The following TBC1D1 variants were observed in gnomAD, a reference collection of about 807,000 sequenced individuals.
TBC1D1 encodes the protein TBC1 domain family member 1, also known as TBC1 (tre-2/USP6, BUB2, cdc16) domain family, member 1.
Under a neutral mutation model 125.6 loss-of-function variants are expected in TBC1D1, and 89 were observed. The observed-to-expected ratio is 0.71, with a 90% CI of 0.60 to 0.85. TBC1D1 has a LOEUF of 0.85. Among genes scored for constraint, TBC1D1 ranks in the 40% least tolerant of loss-of-function variants. The pLI, the probability that TBC1D1 is intolerant of heterozygous loss-of-function variation, is 0.00. For missense variants in TBC1D1, 1,377 were observed against 1,469.2 expected, an observed-to-expected ratio of 0.94 and a Z score of 1.03; for synonymous variants, 565 against 564.1, an observed-to-expected ratio of 1.00 and a Z score of -0.02.
intron 2 of TBC1D1, chr4:37,961,184 T>C: frequency 2.2e-6 from 2 of 908,682 alleles, no homozygotes; most frequent in Non-Finnish European, 3.3e-6. Context: ...GTTTCTATAT[T>C]TCTTCCATAC....
At chr4:37,912,756 A>T (rs1400398861) in intron 2 of TBC1D1, among the ~76,000 whole-genome samples, 1 of 152,176 alleles carries the variant, frequency 6.6e-6, no homozygotes, top group Non-Finnish European at 1.5e-5. Context: ...ACAAAGCTCC[A>T]TCTTGGGAGG....
intron 11 of TBC1D1, 76 bp downstream of exon 12, chr4:38,052,136 G>T: frequency 1.4e-6 from 2 of 1,448,096 alleles, no homozygotes; most frequent in East Asian, 2.5e-5. Context: ...TGTGCTGAAT[G>T]GGGGGAATGT....
At chr4:38,103,735 G>T (rs1760765727) in intron 15 of TBC1D1, among the ~76,000 whole-genome samples, 1 of 152,176 alleles carries the variant, frequency 6.6e-6, no homozygotes, top group African/African-American at 2.4e-5. Flanking sequence ...ACCAACCTCA[G>T]ATGGAAAGTA....
At chr4:37,920,011 G>A (rs1207107278) in intron 2 of TBC1D1, among the ~76,000 whole-genome samples, 3 of 152,344 alleles carry the variant, frequency 2.0e-5, no homozygotes, top group African/African-American at 7.2e-5. Flanking sequence ...TACTTGGGAG[G>A]CTGAGGCAGG....
In TBC1D1 at chr4:38,115,872, A is replaced by C; in HGVS notation, c.2720A>C (p.Glu907Ala). 1 of 1,614,216 alleles carries C rather than the reference A, an allele frequency of 6.2e-7. No homozygotes were observed. Among genetic ancestry groups the C allele is most frequent in the Non-Finnish European group, 8.5e-7 (1 of 1,180,034 alleles). The change falls in exon 16 of 20, where the codon GAA becomes GCA. Residue 907 changes from glutamate (E) to alanine (A), a missense_variant. Physicochemically the swap from Glu to Ala is moderately radical, Grantham distance 107. Transcript: ENST00000261439. ...ATTTTGCTTCTTCATATGAGTGAGG[A>C]AGAGGCGTTTAAAATGCTCAAGTTT...
intron 17 of TBC1D1, among the ~76,000 whole-genome samples, chr4:38,122,721 C>G (rs1214126837): frequency 1.3e-5 from 2 of 152,178 alleles, no homozygotes; most frequent in African/African-American, 2.4e-5. Flanking sequence ...TCAATAGATG[C>G]TCATTAAGTT....
intron 19 of TBC1D1, among the ~76,000 whole-genome samples, chr4:38,136,331 A>G (rs1458132276): frequency 6.6e-6 from 1 of 152,146 alleles, no homozygotes; most frequent in Non-Finnish European, 1.5e-5. Context: ...GGAAGAGAGG[A>G]TATTGCTTGT....
intron 12 of TBC1D1, among the ~76,000 whole-genome samples, chr4:38,057,362 T>C (rs1751914672): frequency 6.6e-6 from 1 of 152,140 alleles, no homozygotes; most frequent in Non-Finnish European, 1.5e-5. Context: ...GACTCTCCCA[T>C]AGCAGCTCTC....
In TBC1D1 at chr4:37,921,917, T is replaced by C. The variant is rs555970677; in HGVS notation, c.417+19405T>C. ...ACCCAGCTAATTTAAAAAAAAAAAT[T>C]GTAGAGACAGCTTCTCGCTATGTTG... On this transcript the variant is annotated intron_variant, in intron 2 of 19. Transcript: ENST00000261439. Among the ~76,000 whole-genome samples the C allele has an allele frequency of 9.2e-5, 14 of 151,630 alleles. No homozygotes were observed. The East Asian group carries it at 2.3e-3, about 25-fold the overall frequency.
intron 10 of TBC1D1, 149 bp from the exon 11 acceptor site, chr4:38,049,469 T>C (rs1407610884): frequency 2.1e-6 from 2 of 941,710 alleles, no homozygotes; most frequent in East Asian, 5.1e-5. Context: ...GACCTTCATT[T>C]TCTTCTGCTT....
chr4:38,111,612 C>A (rs1560813418), intron 15 of TBC1D1, among the ~76,000 whole-genome samples: 1 of 152,136 alleles, frequency 6.6e-6, no homozygotes, highest in Non-Finnish European at 1.5e-5. Flanking sequence ...TTGCTTCATT[C>A]ATTCTGTTTT....
At chr4:37,990,869 C>T (rs937526962) in intron 2 of TBC1D1, among the ~76,000 whole-genome samples, 2 of 152,246 alleles carry the variant, frequency 1.3e-5, no homozygotes, top group African/African-American at 4.8e-5. Flanking sequence ...GACCACACAA[C>T]TCTGTATTTG....
rs376903059 is a variant in TBC1D1 at position 37,991,058 on chromosome 4, C to T, written c.418-23451C>T. 2.2e-4 allele frequency among the ~76,000 whole-genome samples: 7 copies of T among 31,120 alleles called. No individual in the cohort carries two copies. In the East Asian group the frequency reaches 3.6e-3, roughly 16 times the overall value. The allele number at this position is 31,120 out of a possible 152,430, so 20.4% of individuals were successfully genotyped here. A position where few individuals can be genotyped will look rare whatever the true frequency, so the allele number is the denominator to read the frequency against. ...GAGAGACCCAGCTGCTGACCTGGGGCGGGGGTGGGTGGGGGGAAGGTGGTG... is the reference window on the plus strand; with the variant it reads ...GAGAGACCCAGCTGCTGACCTGGGGTGGGGGTGGGTGGGGGGAAGGTGGTG... On this transcript the variant is annotated intron_variant, in intron 2 of 19. Transcript: ENST00000261439.
intron 6 of TBC1D1, among the ~76,000 whole-genome samples, chr4:38,027,104 A>C (rs1353849430): frequency 6.6e-6 from 1 of 152,224 alleles, no homozygotes; most frequent in Non-Finnish European, 1.5e-5. Context: ...TGGAGAAAGT[A>C]ATTTGGAGCC....
At chr4:38,116,093 A>G (rs914250531) in intron 16 of TBC1D1, 139 bp downstream of exon 18, 4 of 901,882 alleles carry the variant, frequency 4.4e-6, no homozygotes, top group Non-Finnish European at 6.7e-6. Flanking sequence ...ACTCTGTGCT[A>G]GGCATTATTC....
intron 7 of TBC1D1, among the ~76,000 whole-genome samples, chr4:38,032,708 G>A (rs944054013): frequency 2.0e-5 from 3 of 152,032 alleles, no homozygotes; most frequent in African/African-American, 7.2e-5. Context: ...GATGGCGGGT[G>A]CCTGTAGTCC....
chr4:38,023,243 C>T (rs1174934282), intron 6 of TBC1D1, among the ~76,000 whole-genome samples: 1 of 76,530 alleles, frequency 1.3e-5, no homozygotes, highest in African/African-American at 4.4e-5. Context: ...CGAGATGTCT[C>T]AAAAAAAAAA....
At chr4:38,083,404 G>C (rs1033965113) in intron 12 of TBC1D1, among the ~76,000 whole-genome samples, 1 of 152,140 alleles carries the variant, frequency 6.6e-6, no homozygotes, top group Non-Finnish European at 1.5e-5. Flanking sequence ...TGCACATCTT[G>C]TTTATGCTGG....
At chr4:38,038,993 G>A (rs10023902) in intron 8 of TBC1D1, among the ~76,000 whole-genome samples, 4 of 149,752 alleles carry the variant, frequency 2.7e-5, no homozygotes, top group Admixed American at 6.7e-5. Flanking sequence ...CCCTATATTC[G>A]TCTTCTAGTC....
Sources: allele counts gnomAD v4.1 joint callset (sites outside exome capture counted in the v4.1 genomes callset), GRCh38; gene constraint gnomAD v4.1.1; transcripts MANE v1.5; gene names NCBI Gene and HGNC (gene_info 2026-07-23, HGNC 2026-07-21).